KANSL1L: variants seen among roughly 807,000 people sequenced by gnomAD.
The protein encoded by KANSL1L is KAT8 regulatory NSL complex subunit 1 like.
Under a neutral mutation model 108.6 loss-of-function variants are expected in KANSL1L, and 25 were observed. That is an observed-to-expected ratio of 0.23 (90% CI 0.17 to 0.32). KANSL1L has a LOEUF of 0.32. Ranked by LOEUF, KANSL1L falls within the 10% of genes least tolerant of loss-of-function variation. KANSL1L has a pLI of 1.00. For synonymous variants in KANSL1L, 405 were observed against 395.1 expected (o/e 1.03, Z -0.30); for missense variants, 1,137 against 1,125.7 (o/e 1.01, Z -0.14).
intron 1 of KANSL1L, among the ~76,000 whole-genome samples, chr2:210,157,314 G>T (rs556808025): frequency 6.6e-6 from 1 of 152,090 alleles, no homozygotes; most frequent in South Asian, 2.1e-4. Context: ...CCAAACTAGC[G>T]AGCAGCAGAG....
intron 2 of KANSL1L, among the ~76,000 whole-genome samples, chr2:210,146,062 T>A (rs1243918058): frequency 6.6e-6 from 1 of 152,058 alleles, no homozygotes; most frequent in African/African-American, 2.4e-5. Flanking sequence ...TGACTGTTGA[T>A]CACCTCAATG....
At chr2:210,162,605 G>A (rs1455574571) in intron 1 of KANSL1L, among the ~76,000 whole-genome samples, 1 of 151,994 alleles carries the variant, frequency 6.6e-6, no homozygotes, top group Non-Finnish European at 1.5e-5. Context: ...TTACCCTAGG[G>A]AGTGGGTATA....
At chr2:210,107,622 G>A (rs1039575177) in intron 3 of KANSL1L, among the ~76,000 whole-genome samples, 2 of 151,304 alleles carry the variant, frequency 1.3e-5, no homozygotes, top group South Asian at 2.1e-4. Flanking sequence ...TCTGCCTCCC[G>A]GGTTCACGCC....
chr2:210,057,817 C>T (rs2094369949), intron 6 of KANSL1L, among the ~76,000 whole-genome samples: 1 of 152,200 alleles, frequency 6.6e-6, no homozygotes, highest in South Asian at 2.1e-4. Flanking sequence ...ATCACTTCCC[C>T]AATCAATACC....
At chr2:210,090,629 T>C (rs952576062) in intron 5 of KANSL1L, among the ~76,000 whole-genome samples, 1 of 152,122 alleles carries the variant, frequency 6.6e-6, no homozygotes. Flanking sequence ...GCCTCAACTG[T>C]CCTGGCTCAA....
intron 11 of KANSL1L, 53 bp downstream of exon 11, chr2:210,028,792 T>C (rs2093974006): frequency 2.3e-6 from 3 of 1,307,274 alleles, no homozygotes; most frequent in East Asian, 2.5e-5. Flanking sequence ...TTTGAAAATT[T>C]AAGTTTATTA....
At chr2:210,046,104 G>A (rs1463889823) in intron 6 of KANSL1L, among the ~76,000 whole-genome samples, 8 of 152,130 alleles carry the variant, frequency 5.3e-5, no homozygotes, top group Admixed American at 5.2e-4. Flanking sequence ...GCTTTCTGGG[G>A]TTCCTTTTAT....
chr2:210,063,544 G>A (rs1162586726), intron 6 of KANSL1L, among the ~76,000 whole-genome samples: 1 of 152,194 alleles, frequency 6.6e-6, no homozygotes, highest in Non-Finnish European at 1.5e-5. Flanking sequence ...AAAGCCACAG[G>A]AGCCCAAGGC....
At chr2:210,032,986 A>G (rs2094040878) in intron 8 of KANSL1L, 1 of 152,252 alleles carries the variant, frequency 6.6e-6, no homozygotes, top group African/African-American at 2.4e-5. Context: ...TGTTAAAATC[A>G]TCACTAGGCT....
rs28668171 is a variant in KANSL1L at position 210,103,336 on chromosome 2, G to A, written c.1428+768C>T. ...GGCCTGTCATGGGGTGGGGGAAGGG[G>A]GGAGGGATAGCATTAGGAGATAGAC... On this transcript the variant is annotated intron_variant, in intron 4 of 14. Transcript: ENST00000281772. Among the ~76,000 whole-genome samples, 1,076 of 152,150 alleles carry A rather than the reference G, an allele frequency of 7.1e-3. 11 individuals are homozygous for A. The highest frequency in any genetic ancestry group is 0.025 in the African/African-American group (1,030 of 41,496).
intron 3 of KANSL1L, among the ~76,000 whole-genome samples, chr2:210,117,719 TAAA>T (rs2094967939): frequency 2.6e-5 from 4 of 151,242 alleles, no homozygotes; most frequent in Admixed American, 2.6e-4. Context: ...AAATTGCAAA[TAAA>T]AAAGGAGACA....
At chr2:210,073,770 C>CACAA (rs1030604643) in intron 6 of KANSL1L, among the ~76,000 whole-genome samples, 6 of 133,498 alleles carry the variant, frequency 4.5e-5, no homozygotes, top group Admixed American at 2.1e-4. Context: ...CTAGGAAACA[C>CACAA]ACAAACACAC....
chr2:210,038,434 A>G (rs556509452), intron 8 of KANSL1L, among the ~76,000 whole-genome samples: 4 of 152,154 alleles, frequency 2.6e-5, no homozygotes, highest in South Asian at 4.1e-4. Context: ...TGAGGGTGCT[A>G]TTTTTACTAT....
At chr2:210,075,119 T>C (rs777988150) in intron 6 of KANSL1L, among the ~76,000 whole-genome samples, 1 of 152,168 alleles carries the variant, frequency 6.6e-6, no homozygotes, top group African/African-American at 2.4e-5. Flanking sequence ...TTAATAAATA[T>C]CAAACCTAAA....
In KANSL1L at chr2:210,075,810, C is replaced by A; in HGVS notation, c.1551-54G>T. On this transcript the variant is annotated intron_variant, in intron 5 of 14. Transcript: ENST00000281772. ...GGGAAGGGAATAAAACAAAACAAAACAAACAAAAAAGACAAAGAAAACTAA... is the reference window on the plus strand; with the variant it reads ...GGGAAGGGAATAAAACAAAACAAAAAAAACAAAAAAGACAAAGAAAACTAA... 4 of 1,338,022 alleles carry A rather than the reference C, an allele frequency of 3.0e-6. No homozygotes were observed. In the Admixed American group the frequency reaches 6.3e-5, roughly 21 times the overall value. 82.9% of individuals were successfully genotyped at this position (1,338,022 alleles called of 1,614,324 possible).
chr2:210,163,340 A>G (rs1402435796), intron 1 of KANSL1L, among the ~76,000 whole-genome samples: 1 of 152,234 alleles, frequency 6.6e-6, no homozygotes. Flanking sequence ...ATGAAATGCT[A>G]GAAATCAAAA....
chr2:210,030,529 C>T (rs1211168251), intron 9 of KANSL1L, among the ~76,000 whole-genome samples: 1 of 128,860 alleles, frequency 7.8e-6, no homozygotes, highest in Non-Finnish European at 1.7e-5. Context: ...TTTTGGTTCC[C>T]AGTTACTGTG....
intron 6 of KANSL1L, among the ~76,000 whole-genome samples, chr2:210,055,863 A>T (rs373663860): frequency 6.6e-6 from 1 of 152,206 alleles, no homozygotes; most frequent in African/African-American, 2.4e-5. Context: ...GAAAAGAAAA[A>T]CCCATTTACC....
At chr2:210,126,371 T>C (rs987775121) in intron 3 of KANSL1L, among the ~76,000 whole-genome samples, 3 of 152,178 alleles carry the variant, frequency 2.0e-5, no homozygotes, top group African/African-American at 7.2e-5. Context: ...CTTAATGTTG[T>C]TAAGCTATCA....
Sources: allele counts gnomAD v4.1 joint callset (sites outside exome capture counted in the v4.1 genomes callset), GRCh38; gene constraint gnomAD v4.1.1; transcripts MANE v1.5; gene names NCBI Gene and HGNC (gene_info 2026-07-23, HGNC 2026-07-21).